The following ERCC8 variants were observed in gnomAD, a reference collection of about 807,000 sequenced individuals.
ERCC8 encodes the protein ERCC excision repair 8, CSA ubiquitin ligase complex subunit.
In ERCC8, 52 loss-of-function variants were observed where a neutral mutation model predicts 54.9. The ratio of observed to expected loss-of-function variants is 0.95; its 90% CI spans 0.76 to 1.19. The LOEUF is 1.19. Among genes scored for constraint, ERCC8 ranks in the 50% most tolerant of loss-of-function variants. The probability of loss-of-function intolerance (pLI) is 0.00; values close to 1 mark genes in which losing one functional copy is unlikely to be tolerated. For missense variants in ERCC8, 514 were observed against 466.1 expected (o/e 1.10, Z -0.95); for synonymous variants, 146 against 157.2 (o/e 0.93, Z 0.53).
chr5:60,901,050 G>A (rs1386402253), intron 7 of ERCC8, among the ~76,000 whole-genome samples: 1 of 151,766 alleles, frequency 6.6e-6, no homozygotes, highest in Non-Finnish European at 1.5e-5. Context: ...GGGAGACAGG[G>A]CTGGCAACTT....
intron 1 of ERCC8, among the ~76,000 whole-genome samples, chr5:60,938,048 CATATATATATATATATATATATAT>C (rs1170248858): frequency 0.02 from 465 of 23,398 alleles, 21 homozygotes; most frequent in African/African-American, 0.052. Flanking sequence ...TACATACATA[CATATATATATATATATATATATAT>C]ATATATATAT....
At chr5:60,875,551 AATTGGGT>A (rs1747972486) in intron 11 of ERCC8, among the ~76,000 whole-genome samples, 1 of 152,244 alleles carries the variant, frequency 6.6e-6, no homozygotes, top group Admixed American at 6.5e-5. Context: ...TTGTTAAAGT[AATTGGGT>A]ATTATGAGCC....
intron 4 of ERCC8, chr5:60,907,581 T>A (rs1478585091): frequency 6.6e-6 from 1 of 152,042 alleles, no homozygotes; most frequent in Non-Finnish European, 1.5e-5. Context: ...TTGAGATTCC[T>A]CCCCATTTTT....
intron 11 of ERCC8, among the ~76,000 whole-genome samples, chr5:60,884,523 G>GTTTTTTTTTTTTTTT: frequency 7.8e-6 from 1 of 128,128 alleles, no homozygotes; most frequent in Non-Finnish European, 1.6e-5. Context: ...GTGTGTATGT[G>GTTTTTTTTTTTTTTT]TTTTTTTTTT....
rs79314404 is a variant in ERCC8, at chr5:60,922,398, A to C, written c.174-243T>G. Among the ~76,000 whole-genome samples, 1,151 of 152,180 alleles carry C rather than the reference A, an allele frequency of 7.6e-3. 13 individuals carry two copies. Among genetic ancestry groups the C allele is most frequent in the African/African-American group, 0.026 (1,090 of 41,562 alleles). On this transcript the variant is annotated intron_variant, in intron 2 of 11. Transcript: ENST00000676185. ...ATTTCAAGTTTACTTCCATAACTTC[A>C]AAAAGAAAGGGTGACAGAAACAAGA...
intron 1 of ERCC8, among the ~76,000 whole-genome samples, chr5:60,933,289 G>C (rs568669740): frequency 7.1e-6 from 1 of 141,608 alleles, no homozygotes; most frequent in African/African-American, 2.6e-5. Context: ...TGCAATCTCG[G>C]CTCACTGCAA....
intron 1 of ERCC8, among the ~76,000 whole-genome samples, chr5:60,933,209 T>TTTTTTTC (rs1439400900): frequency 5.1e-5 from 6 of 118,352 alleles, no homozygotes; most frequent in African/African-American, 2.0e-4. Context: ...ATTTTTTCCT[T>TTTTTTTC]TTTTTTCTTT....
At chr5:60,914,569 T>A (rs1379330188) in intron 4 of ERCC8, among the ~76,000 whole-genome samples, 2 of 151,758 alleles carry the variant, frequency 1.3e-5, no homozygotes, top group Admixed American at 1.3e-4. Context: ...GGTGGGAGGA[T>A]CATTTGAGGC....
chr5:60,923,516 A>C (rs977702132), intron 2 of ERCC8, among the ~76,000 whole-genome samples: 1 of 152,154 alleles, frequency 6.6e-6, no homozygotes, highest in Non-Finnish European at 1.5e-5. Flanking sequence ...AATTTAGGAA[A>C]TAACAATAGT....
At chr5:60,877,657 C>T (rs976902371) in intron 11 of ERCC8, among the ~76,000 whole-genome samples, 4 of 152,052 alleles carry the variant, frequency 2.6e-5, no homozygotes, top group Non-Finnish European at 5.9e-5. Context: ...GAAGTTCACT[C>T]GTGATTTGGC....
Position 60,890,950 on chromosome 5 carries a change from A to G in ERCC8, c.980T>C (p.Ile327Thr). ...TTTATAATGTCCCTTAAGCATAGTT[A>G]TCTGTTCTCCTGAGTAAACTGTATA... ...AVYTVYSGEQITMLKGHYKTV... is the reference protein window; with the variant it reads ...AVYTVYSGEQTTMLKGHYKTV... Residue 327 changes from isoleucine (I) to threonine (T), a missense_variant, in exon 10 of 12, where the codon ATA (isoleucine) becomes ACA (threonine). Coordinates refer to ENST00000676185, the MANE Select transcript of ERCC8 (RefSeq NM_000082.4). 6.2e-7 allele frequency: 1 copy of G among 1,613,684 alleles called. No homozygotes were observed. Among genetic ancestry groups the G allele is most frequent in the Non-Finnish European group, 8.5e-7 (1 of 1,179,724 alleles).
rs1362141948 is a variant in ERCC8 at position 60,893,148 on chromosome 5, C to G, written c.844-2062G>C. ...GATAGCCTCCCCCATTTGGAAGCAG[C>G]AGCAGCAGCCTAATGGGTCTCTGGC... On this transcript the variant is annotated intron_variant, in intron 9 of 11. Coordinates refer to ENST00000676185, the MANE Select transcript of ERCC8 (RefSeq NM_000082.4). 6.9e-6 allele frequency: 6 copies of G among 868,768 alleles called. No individual in the cohort carries two copies. In the East Asian group the frequency reaches 1.2e-4, roughly 18 times the overall value. The allele number at this position is 868,768 out of a possible 1,614,324, so 53.8% of individuals were successfully genotyped here.
Position 60,868,210 on chromosome 5 carries a change from G to A in ERCC8, c.*6405C>T, listed in dbSNP as rs1579974560. Among the ~76,000 whole-genome samples the A allele has an allele frequency of 6.6e-6, 1 of 152,148 alleles. No individual in the cohort carries two copies. Among genetic ancestry groups the A allele is most frequent in the Non-Finnish European group, 1.5e-5 (1 of 68,024 alleles). On this transcript the variant is annotated 3_prime_UTR_variant, in exon 12 of 12. Coordinates refer to ENST00000676185, the MANE Select transcript of ERCC8 (RefSeq NM_000082.4). The stretch of plus-strand genomic sequence containing the variant: ...CTTATGCAACCACCATTAACAAACT[G>A]TCAAGGCATAAAAACACGAGCAGCT...
At position 60,938,070 on chromosome 5, in the gene ERCC8, T is replaced by C. The variant is rs1235957669; in HGVS notation, c.77+6862A>G. 7.4e-4 allele frequency among the ~76,000 whole-genome samples: 26 copies of C among 35,104 alleles called. 1 individual carries two copies. In the South Asian group the frequency reaches 0.018, roughly 25 times the overall value. 23.0% of individuals were successfully genotyped at this position (35,104 alleles called of 152,430 possible). A position where few individuals can be genotyped will look rare whatever the true frequency, so the allele number is the denominator to read the frequency against. On this transcript the variant is annotated intron_variant, in intron 1 of 11. Coordinates refer to ENST00000676185, the MANE Select transcript of ERCC8 (RefSeq NM_000082.4). ...ATACATATATATATATATATATATA[T>C]ATATATATATATATATTTTATTTTT... is the stretch of plus-strand genomic sequence containing the variant.
chr5:60,942,999 G>T (rs557263114), intron 1 of ERCC8, among the ~76,000 whole-genome samples: 1 of 152,206 alleles, frequency 6.6e-6, no homozygotes, highest in Admixed American at 6.5e-5. Flanking sequence ...TAGGCTGTGT[G>T]GTAGCTCGCA....
chr5:60,893,574 T>C, intron 9 of ERCC8: 1 of 666,856 alleles, frequency 1.5e-6, no homozygotes, highest in South Asian at 1.7e-5. Context: ...CTAAGTTTCA[T>C]CATCATGATC....
chr5:60,904,632 GTGTA>G lies in ERCC8; in HGVS notation c.481+156_481+159del, dbSNP rs1163958700. Among the ~76,000 whole-genome samples, 258 of 35,752 alleles carry G rather than the reference GTGTA, an allele frequency of 7.2e-3. 1 individual carries two copies. Among genetic ancestry groups the G allele is most frequent in the Non-Finnish European group, 8.7e-3 (204 of 23,358 alleles). 23.5% of individuals were successfully genotyped at this position (35,752 alleles called of 152,430 possible). ...TGTTGAATATATATAGTGTGTGTGT[GTGTA>G]TATATATATATATATATATATATAT... is the stretch of plus-strand genomic sequence containing the variant. On this transcript the variant is annotated intron_variant, in intron 5 of 11. Coordinates refer to ENST00000676185, the MANE Select transcript of ERCC8 (RefSeq NM_000082.4).
At chr5:60,935,749 G>A (rs1373618710) in intron 1 of ERCC8, among the ~76,000 whole-genome samples, 1 of 151,552 alleles carries the variant, frequency 6.6e-6, no homozygotes, top group Non-Finnish European at 1.5e-5. Flanking sequence ...AATCATAATG[G>A]GATGCTGGAT....
intron 3 of ERCC8, chr5:60,919,288 T>C (rs1561510826): frequency 6.6e-6 from 1 of 151,918 alleles, no homozygotes; most frequent in African/African-American, 2.4e-5. Flanking sequence ...TGAAACAAGA[T>C]TGGTTATGAT....
Sources: gnomAD v4.1 joint callset for allele counts (sites outside exome capture counted in the v4.1 genomes callset) on GRCh38, gnomAD v4.1.1 for gene constraint, MANE v1.5 for transcripts, NCBI Gene and HGNC (gene_info 2026-07-23, HGNC 2026-07-21) for gene names.